The following FAM181B variants were observed in gnomAD, a reference collection of about 807,000 sequenced individuals.
The protein encoded by FAM181B is family with sequence similarity 181 member B.
Under a neutral mutation model 17.8 loss-of-function variants are expected in FAM181B, and 13 were observed. The ratio of observed to expected loss-of-function variants is 0.73; its 90% CI spans 0.48 to 1.16. The LOEUF (loss-of-function observed/expected upper bound fraction) is 1.16. FAM181B is among the 50% of genes most tolerant of loss of function. FAM181B has a pLI of 0.00. For missense variants in FAM181B, 725 were observed against 634.1 expected (o/e 1.14, Z -1.54); for synonymous variants, 338 against 316.5 (o/e 1.07, Z -0.72).
In FAM181B at chr11:82,732,640, C is replaced by T; in HGVS notation, c.1090G>A (p.Glu364Lys). 6.6e-7 allele frequency: 1 copy of T among 1,510,192 alleles called. No homozygotes were observed. Among genetic ancestry groups the T allele is most frequent in the East Asian group, 2.4e-5 (1 of 40,916 alleles). 93.5% of individuals were successfully genotyped at this position (1,510,192 alleles called of 1,614,324 possible). The change falls in exon 1 of 1, where the codon GAG becomes AAG. Residue 364 changes from glutamate to lysine, a missense_variant. Glu to Lys is a moderately conservative substitution (Grantham distance 56, BLOSUM62 1). Transcript: ENST00000329203. The part of the protein sequence containing the change: ...YPAAADSPGG[E>K]DGRGHLASFA... The stretch of plus-strand genomic sequence containing the variant: ...GAGGCCAAATGGCCCCGCCCGTCCT[C>T]CCCGCCGGGAGAATCCGCAGCGGCG...
In FAM181B at chr11:82,733,368, G is replaced by T; in HGVS notation, c.362C>A (p.Ala121Asp). The change falls in exon 1 of 1, where the codon GCC (alanine) becomes GAC (aspartate). Residue 121 changes from alanine to aspartate, a missense_variant. Coordinates refer to ENST00000329203, the MANE Select transcript of FAM181B (RefSeq NM_175885.4). ...CAGCGGCCGTTTGGCTGGCGTGTCG[G>T]CGGCGCTCGGGGAGGGCGGGCCGGG... ...APPGPPSPSA[A>D]DTPAKRPLAA... 1 of 1,395,998 alleles carries T rather than the reference G, an allele frequency of 7.2e-7. No homozygotes were observed. The allele number at this position is 1,395,998 out of a possible 1,614,324, so 86.5% of individuals were successfully genotyped here.
chr11:82,732,107 C>T lies in FAM181B; in HGVS notation c.*342G>A. 3.1e-6 allele frequency: 1 copy of T among 322,480 alleles called. No homozygotes were observed. Among genetic ancestry groups the T allele is most frequent in the East Asian group, 7.4e-5 (1 of 13,496 alleles). 20.0% of individuals were successfully genotyped at this position (322,480 alleles called of 1,614,324 possible). On this transcript the variant is annotated 3_prime_UTR_variant, in exon 1 of 1. Coordinates refer to ENST00000329203, the MANE Select transcript of FAM181B (RefSeq NM_175885.4). Reference sequence around the variant, plus strand: ...TAATTACACTAAATACACTGACCTTCGCTGAAAAATAGAAGGGACAGGTGG... The same window carrying T: ...TAATTACACTAAATACACTGACCTTTGCTGAAAAATAGAAGGGACAGGTGG...
At position 82,730,476 on chromosome 11, in the gene FAM181B, A is replaced by G. The variant is rs1168773638; in HGVS notation, c.*1973T>C. The G allele has an allele frequency of 6.6e-6, 1 of 152,232 alleles. No individual in the cohort carries two copies. Among genetic ancestry groups the G allele is most frequent in the African/African-American group, 2.4e-5 (1 of 41,446 alleles). 9.4% of individuals were successfully genotyped at this position (152,232 alleles called of 1,614,324 possible). A position where few individuals can be genotyped will look rare whatever the true frequency, so the allele number is the denominator to read the frequency against. Reference sequence around the variant, plus strand: ...GTCACAGGGTTATTAATGTTTTCCTACTGTGCAAGTGTATCCTGGATTGTA... The same window carrying G: ...GTCACAGGGTTATTAATGTTTTCCTGCTGTGCAAGTGTATCCTGGATTGTA... On this transcript the variant is annotated 3_prime_UTR_variant, in exon 1 of 1. Transcript: ENST00000329203.
In FAM181B at chr11:82,732,377, G is replaced by A; in HGVS notation, c.*72C>T. The A allele has an allele frequency of 1.4e-6, 2 of 1,431,008 alleles. No individual in the cohort carries two copies. Among genetic ancestry groups the A allele is most frequent in the East Asian group, 2.5e-5 (1 of 40,706 alleles). 88.6% of individuals were successfully genotyped at this position (1,431,008 alleles called of 1,614,324 possible). A position where few individuals can be genotyped will look rare whatever the true frequency, so the allele number is the denominator to read the frequency against. On this transcript the variant is annotated 3_prime_UTR_variant, in exon 1 of 1. Transcript: ENST00000329203. ...ACGTGCATTTTCCCATCGTTCTTCA[G>A]ATTTAGGAGAAACCCACGGAGGCGC...
chr11:82,732,513 C>A lies in FAM181B; in HGVS notation c.1217G>T (p.Ser406Ile). The A allele has an allele frequency of 6.2e-7, 1 of 1,613,012 alleles. No individual in the cohort carries two copies. The highest frequency in any genetic ancestry group is 8.5e-7 in the Non-Finnish European group (1 of 1,179,968). Residue 406 changes from serine to isoleucine, a missense_variant, in exon 1 of 1, where the codon AGC (serine) becomes ATC (isoleucine). Transcript: ENST00000329203. ...CCAAACCCCGTCGGATCTCCAAAGG[C>A]TGGAATAGGCGGTGCGGCTGTAGCC... Reference protein sequence around the residue: ...SAGYSRTAYSSLWRSDGVWEG... With the variant: ...SAGYSRTAYSILWRSDGVWEG...
Position 82,733,783 on chromosome 11 carries a change from T to TGCCCGCCGCCCAGACCCAGCTCCC in FAM181B, c.-78_-55dup. 1 of 1,253,360 alleles carries TGCCCGCCGCCCAGACCCAGCTCCC rather than the reference T, an allele frequency of 8.0e-7. No individual in the cohort carries two copies. The highest frequency in any genetic ancestry group is 1.0e-6 in the Non-Finnish European group (1 of 996,998). 77.6% of individuals were successfully genotyped at this position (1,253,360 alleles called of 1,614,324 possible). On this transcript the variant is annotated 5_prime_UTR_variant, in exon 1 of 1. Coordinates refer to ENST00000329203, the MANE Select transcript of FAM181B (RefSeq NM_175885.4). ...CTGCCCGTGCGCCCCCGCCAGCTCC[T>TGCCCGCCGCCCAGACCCAGCTCCC]GCCCGCCGCCCAGACCCAGCTCCCG...
Position 82,730,875 on chromosome 11 carries a change from A to G in FAM181B, c.*1574T>C, listed in dbSNP as rs1308852385. The G allele has an allele frequency of 6.6e-6, 1 of 152,210 alleles. No homozygotes were observed. The highest frequency in any genetic ancestry group is 2.4e-5 in the African/African-American group (1 of 41,456). 9.4% of individuals were successfully genotyped at this position (152,210 alleles called of 1,614,324 possible). A position where few individuals can be genotyped will look rare whatever the true frequency, so the allele number is the denominator to read the frequency against. ...TAACTCACATCCAGATATTCCTGCA[A>G]TCAATCCTGGGTGCCTTGAAGCCAA... On this transcript the variant is annotated 3_prime_UTR_variant, in exon 1 of 1. Transcript: ENST00000329203.
chr11:82,732,563 A>C lies in FAM181B; in HGVS notation c.1167T>G (p.His389Gln), dbSNP rs772772597. The change falls in exon 1 of 1, where the codon CAT becomes CAG. Residue 389 changes from histidine (H) to glutamine (Q), a missense_variant. Physicochemically the swap from His to Gln is conservative, Grantham distance 24 (BLOSUM62 0). Coordinates refer to ENST00000329203, the MANE Select transcript of FAM181B (RefSeq NM_175885.4). ...DCALPPPPPP[H>Q]QVSYDYSAGY... Reference sequence around the variant, plus strand: ...CCGCGCTGTAATCGTAGGACACCTGATGGGGCGGCGGCGGCGGGGGCAGGG... The same window carrying C: ...CCGCGCTGTAATCGTAGGACACCTGCTGGGGCGGCGGCGGCGGGGGCAGGG... 30 of 1,610,188 alleles carry C rather than the reference A, an allele frequency of 1.9e-5. No homozygotes were observed. In the South Asian group the frequency reaches 3.1e-4, roughly 17 times the overall value.
rs939670610 is a variant in FAM181B at position 82,733,197 on chromosome 11, C to A, written c.533G>T (p.Gly178Val). 2 of 1,328,418 alleles carry A rather than the reference C, an allele frequency of 1.5e-6. No individual in the cohort carries two copies. The highest frequency in any genetic ancestry group is 1.5e-5 in the African/African-American group (1 of 65,010). The allele number at this position is 1,328,418 out of a possible 1,614,324, so 82.3% of individuals were successfully genotyped here. The change falls in exon 1 of 1, where the codon GGT becomes GTT. Residue 178 changes from glycine (G) to valine (V), a missense_variant. Gly to Val is a moderately radical substitution (Grantham distance 109). Transcript: ENST00000329203. The stretch of plus-strand genomic sequence containing the variant: ...CACCTCACCCCCCGCCGGCTCGGCA[C>A]CCCCGGGGACGTGGCGCAGCGAGTC... ...LFDSLRHVPGGAEPAGGEVAA... is the reference protein window; with the variant it reads ...LFDSLRHVPGVAEPAGGEVAA...
In FAM181B at chr11:82,733,664, C is replaced by T. The variant is rs1565196300; in HGVS notation, c.66G>A (p.Pro22=). ...CTCCGAAGGCGCCCCCTAGCCCGTC[C>T]GGGGAGCCCCCGAAGCCGAAGGGCA... ...PFVPFGFGGS[P]DGLGGAFGAL... is the part of the protein sequence containing the mutation. The change falls in exon 1 of 1, where the codon CCG becomes CCA. Residue 22 remains proline (P), a synonymous_variant. Coordinates refer to ENST00000329203, the MANE Select transcript of FAM181B (RefSeq NM_175885.4). 1.3e-6 allele frequency: 2 copies of T among 1,562,052 alleles called. No homozygotes were observed. Among genetic ancestry groups the T allele is most frequent in the East Asian group, 4.8e-5 (2 of 41,628 alleles).
At position 82,731,667 on chromosome 11, in the gene FAM181B, G is replaced by A. The variant is rs1857131362; in HGVS notation, c.*782C>T. 1 of 152,152 alleles carries A rather than the reference G, an allele frequency of 6.6e-6. No individual in the cohort carries two copies. Among genetic ancestry groups the A allele is most frequent in the African/African-American group, 2.4e-5 (1 of 41,414 alleles). The allele number at this position is 152,152 out of a possible 1,614,324, so 9.4% of individuals were successfully genotyped here. On this transcript the variant is annotated 3_prime_UTR_variant, in exon 1 of 1. Transcript: ENST00000329203. ...GCTGGAAAATGGGGAAAAGACAGGA[G>A]AGAAATGGAACCCAGGTTTGCCAAA...
Position 82,732,381 on chromosome 11 carries a change from T to C in FAM181B, c.*68A>G. 2 of 1,452,526 alleles carry C rather than the reference T, an allele frequency of 1.4e-6. No homozygotes were observed. The highest frequency in any genetic ancestry group is 2.5e-5 in the South Asian group (2 of 79,920). 90.0% of individuals were successfully genotyped at this position (1,452,526 alleles called of 1,614,324 possible). A position where few individuals can be genotyped will look rare whatever the true frequency, so the allele number is the denominator to read the frequency against. On this transcript the variant is annotated 3_prime_UTR_variant, in exon 1 of 1. Transcript: ENST00000329203. Reference sequence around the variant, plus strand: ...GCATTTTCCCATCGTTCTTCAGATTTAGGAGAAACCCACGGAGGCGCGGCG... The same window carrying C: ...GCATTTTCCCATCGTTCTTCAGATTCAGGAGAAACCCACGGAGGCGCGGCG...
chr11:82,733,376 C>T lies in FAM181B; in HGVS notation c.354G>A (p.Pro118=), dbSNP rs1456786854. 1.4e-5 allele frequency: 17 copies of T among 1,248,064 alleles called. No individual in the cohort carries two copies. The East Asian group carries it at 5.0e-4, about 36-fold the overall frequency. The allele number at this position is 1,248,064 out of a possible 1,614,324, so 77.3% of individuals were successfully genotyped here. Residue 118 remains proline, a synonymous_variant, in exon 1 of 1, where the codon CCG becomes CCA. Transcript: ENST00000329203. ...GTTTGGCTGGCGTGTCGGCGGCGCTCGGGGAGGGCGGGCCGGGGGGCGCGG... is the reference window on the plus strand; with the variant it reads ...GTTTGGCTGGCGTGTCGGCGGCGCTTGGGGAGGGCGGGCCGGGGGGCGCGG... The part of the protein sequence containing the change: ...MGAAPPGPPS[P]SAADTPAKRP...
Position 82,732,573 on chromosome 11 carries a change from G to A in FAM181B, c.1157C>T (p.Pro386Leu), listed in dbSNP as rs1254919718. ...ATCGTAGGACACCTGATGGGGCGGC[G>A]GCGGCGGGGGCAGGGCGCAGTCTGG... ...FFPDCALPPPPPPHQVSYDYS... is the reference protein window; with the variant it reads ...FFPDCALPPPLPPHQVSYDYS... Residue 386 changes from proline to leucine, a missense_variant, in exon 1 of 1, where the codon CCG becomes CTG. Pro to Leu is a moderately conservative substitution (Grantham distance 98). Transcript: ENST00000329203. 5 of 1,607,498 alleles carry A rather than the reference G, an allele frequency of 3.1e-6. No homozygotes were observed. The highest frequency in any genetic ancestry group is 4.2e-6 in the Non-Finnish European group (5 of 1,177,574).
In FAM181B at chr11:82,733,811, C is replaced by G; in HGVS notation, c.-82G>C. 1 of 1,132,932 alleles carries G rather than the reference C, an allele frequency of 8.8e-7. No individual in the cohort carries two copies. The highest frequency in any genetic ancestry group is 1.1e-6 in the Non-Finnish European group (1 of 911,204). 70.2% of individuals were successfully genotyped at this position (1,132,932 alleles called of 1,614,324 possible). ...CCGCCGCCCAGACCCAGCTCCCGCC[C>G]CGGCGCGGCGCGCGCGGCGCAGCCT... is the stretch of plus-strand genomic sequence containing the variant. On this transcript the variant is annotated 5_prime_UTR_variant, in exon 1 of 1. Coordinates refer to ENST00000329203, the MANE Select transcript of FAM181B (RefSeq NM_175885.4).
chr11:82,732,533 G>A lies in FAM181B; in HGVS notation c.1197C>T (p.Tyr399=). 1 of 1,612,324 alleles carries A rather than the reference G, an allele frequency of 6.2e-7. No homozygotes were observed. Among genetic ancestry groups the A allele is most frequent in the South Asian group, 1.1e-5 (1 of 91,010 alleles). ...AAAGGCTGGAATAGGCGGTGCGGCTGTAGCCCGCGCTGTAATCGTAGGACA... is the reference window on the plus strand; with the variant it reads ...AAAGGCTGGAATAGGCGGTGCGGCTATAGCCCGCGCTGTAATCGTAGGACA... ...HQVSYDYSAG[Y]SRTAYSSLWR... is the part of the protein sequence containing the mutation. The change falls in exon 1 of 1, where the codon TAC becomes TAT. Residue 399 remains tyrosine, a synonymous_variant. Coordinates refer to ENST00000329203, the MANE Select transcript of FAM181B (RefSeq NM_175885.4).
rs749908115 is a variant in FAM181B, at chr11:82,732,493, C to G, written c.1237G>C (p.Val413Leu). The G allele has an allele frequency of 2.8e-5, 45 of 1,613,030 alleles. No individual in the cohort carries two copies. Among genetic ancestry groups the G allele is most frequent in the African/African-American group, 6.7e-5 (5 of 74,924 alleles). The change falls in exon 1 of 1, where the codon GTT becomes CTT. Residue 413 changes from valine to leucine, a missense_variant. By Grantham distance (32) the Val-to-Leu change is conservative. Coordinates refer to ENST00000329203, the MANE Select transcript of FAM181B (RefSeq NM_175885.4). ...AYSSLWRSDG[V>L]WEGAPGEEGA... is the part of the protein sequence containing the mutation. ...TCCTCCCCCGGCGCCCCTTCCCAAA[C>G]CCCGTCGGATCTCCAAAGGCTGGAA...
Position 82,732,261 on chromosome 11 carries a change from G to A in FAM181B, c.*188C>T, listed in dbSNP as rs1857139190. ...GTTTGTTTTTGTTTTAACACTTGAG[G>A]TTGTGATTAAACAATCCCCAACTCG... is the stretch of plus-strand genomic sequence containing the variant. On this transcript the variant is annotated 3_prime_UTR_variant, in exon 1 of 1. Coordinates refer to ENST00000329203, the MANE Select transcript of FAM181B (RefSeq NM_175885.4). 1 of 624,698 alleles carries A rather than the reference G, an allele frequency of 1.6e-6. No homozygotes were observed. Among genetic ancestry groups the A allele is most frequent in the Non-Finnish European group, 2.8e-6 (1 of 360,712 alleles). 38.7% of individuals were successfully genotyped at this position (624,698 alleles called of 1,614,324 possible).
Position 82,733,422 on chromosome 11 carries a change from C to T in FAM181B, c.308G>A (p.Arg103His). The change falls in exon 1 of 1, where the codon CGC (arginine) becomes CAC (histidine). Residue 103 changes from arginine (R) to histidine (H), a missense_variant. Coordinates refer to ENST00000329203, the MANE Select transcript of FAM181B (RefSeq NM_175885.4). ...CGCGGCGCCCATGAGGCCGCTGCAG[C>T]GCTTGATCTGCTTCTGCAGGTACTT... ...HRKYLQKQIKRCSGLMGAAPP... is the reference protein window; with the variant it reads ...HRKYLQKQIKHCSGLMGAAPP... The T allele has an allele frequency of 6.4e-7, 1 of 1,560,216 alleles. No homozygotes were observed. The highest frequency in any genetic ancestry group is 8.7e-7 in the Non-Finnish European group (1 of 1,153,564).
Sources: allele counts gnomAD v4.1 joint callset, GRCh38; gene constraint gnomAD v4.1.1; transcripts MANE v1.5; gene names NCBI Gene and HGNC (gene_info 2026-07-23, HGNC 2026-07-21).